Variants in BACE2 observed in about 807,000 individuals in gnomAD.
The protein encoded by BACE2 is beta-secretase 2, also known as 56 kDa aspartic-like protease.
A neutral mutation model predicts 46.2 loss-of-function variants in BACE2; 17 were observed. The ratio of observed to expected loss-of-function variants is 0.37; its 90% CI spans 0.25 to 0.55. The LOEUF (loss-of-function observed/expected upper bound fraction) is 0.55, where lower values mean the gene tolerates loss of function less well. BACE2 is among the 20% of genes least tolerant of loss of function. The probability of loss-of-function intolerance (pLI) is 0.82; values close to 1 mark genes in which losing one functional copy is unlikely to be tolerated. For synonymous variants in BACE2, 277 were observed against 295.9 expected (o/e 0.94, Z 0.66); for missense variants, 595 against 698.1 (o/e 0.85, Z 1.66).
chr21:41,271,026 G>A (rs1039578483), intron 8 of BACE2, among the ~76,000 whole-genome samples: 1 of 152,084 alleles, frequency 6.6e-6, no homozygotes, highest in South Asian at 2.1e-4. Context: ...TCCTATTTAT[G>A]AAGGAAACAG....
chr21:41,171,677 TG>T (rs1984616002), intron 1 of BACE2, among the ~76,000 whole-genome samples: 1 of 152,172 alleles, frequency 6.6e-6, no homozygotes, highest in African/African-American at 2.4e-5. Flanking sequence ...ATTTCTATTA[TG>T]AAAAAAGAGA....
intron 8 of BACE2, among the ~76,000 whole-genome samples, chr21:41,263,838 A>C (rs1309945260): frequency 6.6e-6 from 1 of 152,204 alleles, no homozygotes; most frequent in Non-Finnish European, 1.5e-5. Flanking sequence ...GTATTTTCCC[A>C]TCGTGCTATA....
chr21:41,243,300 T>C, intron 4 of BACE2, 76 bp from the exon 5 acceptor site: 1 of 1,245,014 alleles, frequency 8.0e-7, no homozygotes, highest in South Asian at 2.0e-5. Flanking sequence ...TCTTTACAAG[T>C]GCATGCTTCT....
chr21:41,177,343 G>T, intron 1 of BACE2: 1 of 152,384 alleles, frequency 6.6e-6, no homozygotes. Flanking sequence ...GAAGGGGAGA[G>T]GATCGAACCT....
intron 2 of BACE2, among the ~76,000 whole-genome samples, chr21:41,235,571 T>C (rs943800257): frequency 6.6e-6 from 1 of 152,238 alleles, no homozygotes; most frequent in African/African-American, 2.4e-5. Flanking sequence ...ATAGGGTGGC[T>C]CATGCCTGTA....
At chr21:41,182,556 T>C (rs1489896435) in intron 1 of BACE2, 2 of 167,016 alleles carry the variant, frequency 1.2e-5, no homozygotes, top group African/African-American at 4.8e-5. Context: ...AGGTAATTAC[T>C]ACAAGCCAAG....
chr21:41,249,051 G>C (rs1470646533), intron 6 of BACE2, among the ~76,000 whole-genome samples: 1 of 152,206 alleles, frequency 6.6e-6, no homozygotes, highest in African/African-American at 2.4e-5. Context: ...TCACCTGTCA[G>C]TGCCTCTGGA....
At chr21:41,211,165 C>G (rs1045274728) in intron 1 of BACE2, among the ~76,000 whole-genome samples, 7 of 151,580 alleles carry the variant, frequency 4.6e-5, no homozygotes, top group Non-Finnish European at 7.4e-5. Flanking sequence ...TCCCCATTCC[C>G]CCCTCCCCAT....
chr21:41,279,541 G>A lies in BACE2; in HGVS notation c.*3917G>A, dbSNP rs2088524193. On this transcript the variant is annotated 3_prime_UTR_variant, in exon 9 of 9. Coordinates refer to ENST00000330333, the MANE Select transcript of BACE2 (RefSeq NM_012105.5). ...GAACCGGGGAGGCAGAGGTTGTAGT[G>A]AGCCAAGATTGCGCCACTGCACTCC... The A allele has an allele frequency of 6.6e-6, 1 of 152,262 alleles. No individual in the cohort carries two copies. The highest frequency in any genetic ancestry group is 2.4e-5 in the African/African-American group (1 of 41,426). 9.4% of individuals were successfully genotyped at this position (152,262 alleles called of 1,614,324 possible).
chr21:41,239,441 A>C (rs1204922063), intron 3 of BACE2, among the ~76,000 whole-genome samples: 1 of 152,122 alleles, frequency 6.6e-6, no homozygotes, highest in Admixed American at 6.5e-5. Context: ...GCAGCAGTGT[A>C]ATCTCAGCTC....
chr21:41,256,452 G>A (rs183913761), intron 7 of BACE2, among the ~76,000 whole-genome samples: 72 of 152,190 alleles, frequency 4.7e-4, no homozygotes, highest in African/African-American at 1.3e-3. Context: ...AGTATTCCAT[G>A]GTATATATGA....
At chr21:41,178,917 T>G in intron 1 of BACE2, 1 of 339,052 alleles carries the variant, frequency 2.9e-6, no homozygotes, top group Non-Finnish European at 5.5e-6. Context: ...TGGGAAGGGG[T>G]ATTGGTGAAA....
chr21:41,257,934 C>CATT (rs1355650335), intron 8 of BACE2, among the ~76,000 whole-genome samples: 1 of 152,172 alleles, frequency 6.6e-6, no homozygotes, highest in Non-Finnish European at 1.5e-5. Flanking sequence ...TGTCTTCAGA[C>CATT]TTCACGGTTT....
intron 8 of BACE2, among the ~76,000 whole-genome samples, chr21:41,269,364 T>C (rs2088412899): frequency 6.6e-6 from 1 of 152,216 alleles, no homozygotes. Flanking sequence ...TGGGATATAA[T>C]TGGTGTAAAA....
rs967058821 is a variant in BACE2, at chr21:41,215,275, G to A, written c.313-10991G>A. The stretch of plus-strand genomic sequence containing the variant: ...TGGGTTTTGCCATTTTTAGGAAGGC[G>A]AGAAGAAATTAGCCACTGAGTTCCT... On this transcript the variant is annotated intron_variant, in intron 1 of 8. Transcript: ENST00000330333. 5.3e-5 allele frequency among the ~76,000 whole-genome samples: 8 copies of A among 152,160 alleles called. No homozygotes were observed. The East Asian group carries it at 1.4e-3, about 26-fold the overall frequency.
chr21:41,179,196 G>A (rs1403273739), intron 1 of BACE2: 2 of 1,269,518 alleles, frequency 1.6e-6, no homozygotes, highest in African/African-American at 1.6e-5. Flanking sequence ...GAGTGAGGGT[G>A]TCCAGGTTGA....
At position 41,281,565 on chromosome 21, in the gene BACE2, A is replaced by G. The variant is rs1021657881; in HGVS notation, c.*5941A>G. On this transcript the variant is annotated 3_prime_UTR_variant, in exon 9 of 9. Coordinates refer to ENST00000330333, the MANE Select transcript of BACE2 (RefSeq NM_012105.5). ...TCATTGCAAGTTCCCTGATATGAGT[A>G]TGGTTTCGCTTGCTACATTGTGCCT... 1 of 152,228 alleles carries G rather than the reference A, an allele frequency of 6.6e-6. No individual in the cohort carries two copies. The highest frequency in any genetic ancestry group is 1.5e-5 in the Non-Finnish European group (1 of 68,042). 9.4% of individuals were successfully genotyped at this position (152,228 alleles called of 1,614,324 possible).
chr21:41,170,859 G>T (rs867095665), intron 1 of BACE2, among the ~76,000 whole-genome samples: 1 of 152,214 alleles, frequency 6.6e-6, no homozygotes, highest in African/African-American at 2.4e-5. Context: ...CAAGCACTGC[G>T]CTCTGTGCTT....
chr21:41,267,931 A>G (rs926175898), intron 8 of BACE2, among the ~76,000 whole-genome samples: 3 of 152,188 alleles, frequency 2.0e-5, no homozygotes, highest in Non-Finnish European at 2.9e-5. Flanking sequence ...TTTGTATGCT[A>G]TAGGGAAAAA....
Sources: allele counts gnomAD v4.1 joint callset (sites outside exome capture counted in the v4.1 genomes callset), GRCh38; gene constraint gnomAD v4.1.1; transcripts MANE v1.5; gene names NCBI Gene and HGNC (gene_info 2026-07-23, HGNC 2026-07-21).